The following TMEM140 variants were observed in gnomAD, a reference collection of about 807,000 sequenced individuals.
The protein encoded by TMEM140 is transmembrane protein 140.
For synonymous variants in TMEM140, 107 were observed against 106.8 expected (o/e 1.00, Z -0.01); for missense variants, 236 against 228.5 (o/e 1.03, Z -0.21).
rs1260656282 is a variant in TMEM140, at chr7:135,151,158, TCAAAA to T, written c.-25+2891_-25+2895del. ...TATTTACATGGAATAATTAAGTAAA[TCAAAA>T]CATCACAGCATTCATTAAAAACTTG... On this transcript the variant is annotated intron_variant, in intron 1 of 1. Transcript: ENST00000275767. The surrounding 1 kb of genome is among the most constrained non-coding windows in gnomAD (Gnocchi z 4.3). Among the ~76,000 whole-genome samples the T allele has an allele frequency of 2.6e-5, 4 of 152,168 alleles. No individual in the cohort carries two copies. The highest frequency in any genetic ancestry group is 9.6e-5 in the African/African-American group (4 of 41,458).
At position 135,165,391 on chromosome 7, in the gene TMEM140, A is replaced by C. The variant is rs1830068295; in HGVS notation, c.*392A>C. 5 of 190,270 alleles carry C rather than the reference A, an allele frequency of 2.6e-5. No individual in the cohort carries two copies. The South Asian group carries it at 7.5e-4, about 28-fold the overall frequency. 11.8% of individuals were successfully genotyped at this position (190,270 alleles called of 1,614,324 possible). ...CCAAATGCCAAAATGAAACCTAGCA[A>C]AGAACTTACGGCAACAAACGAGGAC... On this transcript the variant is annotated 3_prime_UTR_variant, in exon 2 of 2. Coordinates refer to ENST00000275767, the MANE Select transcript of TMEM140 (RefSeq NM_018295.5).
At position 135,151,510 on chromosome 7, in the gene TMEM140, A is replaced by G. The variant is rs1241490922; in HGVS notation, c.-25+3240A>G. Reference sequence around the variant, plus strand: ...TCTGTTGCCCCGGCTTTATTCTGCTAACATTTTCTTCCCAGTTCTCCTCTC... The same window carrying G: ...TCTGTTGCCCCGGCTTTATTCTGCTGACATTTTCTTCCCAGTTCTCCTCTC... On this transcript the variant is annotated intron_variant, in intron 1 of 1. Transcript: ENST00000275767. This position sits in a 1 kb window ranked among gnomAD's most constrained non-coding sequence, Gnocchi z 4.3. Among the ~76,000 whole-genome samples the G allele has an allele frequency of 6.6e-6, 1 of 152,188 alleles. No individual in the cohort carries two copies. The highest frequency in any genetic ancestry group is 1.5e-5 in the Non-Finnish European group (1 of 68,026).
intron 1 of TMEM140, among the ~76,000 whole-genome samples, chr7:135,158,252 A>G (rs564065423): frequency 6.6e-6 from 1 of 152,336 alleles, no homozygotes; most frequent in African/African-American, 2.4e-5. Context: ...TCTCAACAGC[A>G]GCATGTTGCA....
intron 1 of TMEM140, among the ~76,000 whole-genome samples, chr7:135,156,487 G>A (rs1080421): frequency 0.49 from 73,366 of 151,230 alleles, 18,125 homozygotes; most frequent in South Asian, 0.65. Context: ...GCTTGGTGTA[G>A]TCTACTGTTG....
rs191903364 is a variant in TMEM140 at position 135,161,170 on chromosome 7, G to A, written c.-24-3248G>A. Among the ~76,000 whole-genome samples the A allele has an allele frequency of 3.7e-3, 565 of 152,246 alleles. 2 individuals are homozygous for A. The highest frequency in any genetic ancestry group is 6.3e-3 in the Admixed American group (96 of 15,286). On this transcript the variant is annotated intron_variant, in intron 1 of 1. Transcript: ENST00000275767. The surrounding 1 kb of genome is among the most constrained non-coding windows in gnomAD (Gnocchi z 4.1). ...TGCCTGGTCCTGGGCTTCTTGGCTCGTTTTGTTTTGCTCTACATTAAAAGG... is the reference window on the plus strand; with the variant it reads ...TGCCTGGTCCTGGGCTTCTTGGCTCATTTTGTTTTGCTCTACATTAAAAGG...
intron 1 of TMEM140, among the ~76,000 whole-genome samples, chr7:135,152,266 ACCAGTAT>A (rs890864941): frequency 2.6e-5 from 4 of 152,372 alleles, no homozygotes; most frequent in African/African-American, 9.6e-5. Flanking sequence ...CATGCTCAGA[ACCAGTAT>A]TCCACACTGT....
rs375469494 is a variant in TMEM140 at position 135,165,014 on chromosome 7, G to A, written c.*15G>A. The A allele has an allele frequency of 6.4e-7, 1 of 1,558,780 alleles. No homozygotes were observed. Among genetic ancestry groups the A allele is most frequent in the Non-Finnish European group, 8.7e-7 (1 of 1,150,106 alleles). ...AGAGCTGCTAAAGGCTTACGTGATT[G>A]CAAGGGTTCAGTTCCAACCATGGTC... On this transcript the variant is annotated 3_prime_UTR_variant, in exon 2 of 2. Transcript: ENST00000275767.
At chr7:135,153,255 A>G (rs1158205540) in intron 1 of TMEM140, 1 of 152,260 alleles carries the variant, frequency 6.6e-6, no homozygotes, top group Non-Finnish European at 1.5e-5. Context: ...GGAGATCGAG[A>G]CCATCCTGGC....
rs1244853474 is a variant in TMEM140, at chr7:135,165,216, C to T, written c.*217C>T. 2 of 525,470 alleles carry T rather than the reference C, an allele frequency of 3.8e-6. No individual in the cohort carries two copies. The highest frequency in any genetic ancestry group is 7.0e-5 in the Admixed American group (2 of 28,598). The allele number at this position is 525,470 out of a possible 1,614,324, so 32.6% of individuals were successfully genotyped here. ...CAAGATTGTCTGTCCTTCAGGACTT[C>T]CAAGGCTCCCAAAGACTCCCTAAAC... On this transcript the variant is annotated 3_prime_UTR_variant, in exon 2 of 2. Coordinates refer to ENST00000275767, the MANE Select transcript of TMEM140 (RefSeq NM_018295.5).
chr7:135,149,669 T>C (rs1261114092), intron 1 of TMEM140, among the ~76,000 whole-genome samples: 3 of 152,222 alleles, frequency 2.0e-5, no homozygotes, highest in African/African-American at 4.8e-5. Flanking sequence ...AGTTTAACCA[T>C]ATTTTTGGTA....
intron 1 of TMEM140, among the ~76,000 whole-genome samples, chr7:135,158,767 C>T (rs1829856710): frequency 6.6e-6 from 1 of 152,194 alleles, no homozygotes; most frequent in Non-Finnish European, 1.5e-5. Flanking sequence ...AGCAGGGCAG[C>T]AGACCCTCCC....
chr7:135,150,612 T>C (rs960571652), intron 1 of TMEM140, among the ~76,000 whole-genome samples: 5 of 152,196 alleles, frequency 3.3e-5, no homozygotes, highest in Admixed American at 2.0e-4. Context: ...AAACTAACCA[T>C]TGACAGCCAA....
chr7:135,165,958 T>C lies in TMEM140; in HGVS notation c.*959T>C, dbSNP rs1474331852. 1.2e-5 allele frequency: 2 copies of C among 164,186 alleles called. No homozygotes were observed. The highest frequency in any genetic ancestry group is 3.9e-4 in the East Asian group (2 of 5,190). The allele number at this position is 164,186 out of a possible 1,614,324, so 10.2% of individuals were successfully genotyped here. On this transcript the variant is annotated 3_prime_UTR_variant, in exon 2 of 2. Transcript: ENST00000275767. Reference sequence around the variant, plus strand: ...CTGGGCTCCTGTCCCTCTTGCTTTATAGCTAGCTGCCCGGGGACCAAGGTA... The same window carrying C: ...CTGGGCTCCTGTCCCTCTTGCTTTACAGCTAGCTGCCCGGGGACCAAGGTA...
intron 1 of TMEM140, among the ~76,000 whole-genome samples, chr7:135,152,126 A>G (rs1428032717): frequency 6.6e-6 from 1 of 152,250 alleles, no homozygotes; most frequent in Non-Finnish European, 1.5e-5. Flanking sequence ...AACATCTACA[A>G]AATAAGTTAT....
At chr7:135,156,729 G>C (rs143898434) in intron 1 of TMEM140, among the ~76,000 whole-genome samples, 6 of 152,122 alleles carry the variant, frequency 3.9e-5, no homozygotes, top group Non-Finnish European at 5.9e-5. Flanking sequence ...CTTTGATTGG[G>C]ATCTGCTGCT....
In TMEM140 at chr7:135,165,763, A is replaced by G. The variant is rs1337186412; in HGVS notation, c.*764A>G. ...CTCCACTTCCCAACCCAGAACTTGG[A>G]AAGACATTAGCACAACTTACGCATT... On this transcript the variant is annotated 3_prime_UTR_variant, in exon 2 of 2. Transcript: ENST00000275767. The G allele has an allele frequency of 1.2e-5, 2 of 167,124 alleles. No homozygotes were observed. The highest frequency in any genetic ancestry group is 2.9e-5 in the Non-Finnish European group (2 of 68,136). The allele number at this position is 167,124 out of a possible 1,614,324, so 10.4% of individuals were successfully genotyped here. A position where few individuals can be genotyped will look rare whatever the true frequency, so the allele number is the denominator to read the frequency against.
chr7:135,159,361 G>A (rs1250126816), intron 1 of TMEM140, among the ~76,000 whole-genome samples: 2 of 152,196 alleles, frequency 1.3e-5, no homozygotes, highest in East Asian at 3.8e-4. Flanking sequence ...TACAATATTT[G>A]TGTCTCTTTC....
rs981042632 is a variant in TMEM140, at chr7:135,150,274, C to T, written c.-25+2004C>T. On this transcript the variant is annotated intron_variant, in intron 1 of 1. Coordinates refer to ENST00000275767, the MANE Select transcript of TMEM140 (RefSeq NM_018295.5). ...AACAAATATCTCTTCTGAAGAGAGG[C>T]TTTCCCTGACCCTATAATCTAGTCA... Among the ~76,000 whole-genome samples, 5 of 152,224 alleles carry T rather than the reference C, an allele frequency of 3.3e-5. No individual in the cohort carries two copies. The East Asian group carries it at 9.6e-4, about 29-fold the overall frequency.
chr7:135,154,336 T>A lies in TMEM140; in HGVS notation c.-25+6066T>A, dbSNP rs201465965. 1.8e-4 allele frequency among the ~76,000 whole-genome samples: 27 copies of A among 152,302 alleles called. No individual in the cohort carries two copies. In the East Asian group the frequency reaches 4.4e-3, roughly 25 times the overall value. On this transcript the variant is annotated intron_variant, in intron 1 of 1. Coordinates refer to ENST00000275767, the MANE Select transcript of TMEM140 (RefSeq NM_018295.5). ...AACTTTTAGTTTCATTGATCCTTTG[T>A]AAATTTTTTGTCCCTGTTTCATTTA... is the stretch of plus-strand genomic sequence containing the variant.
Sources: allele counts gnomAD v4.1 joint callset (sites outside exome capture counted in the v4.1 genomes callset), GRCh38; gene constraint gnomAD v4.1.1; non-coding constraint Gnocchi (gnomAD v3.1); transcripts MANE v1.5; gene names NCBI Gene and HGNC (gene_info 2026-07-23, HGNC 2026-07-21).